DEUP1: variants seen among roughly 807,000 people sequenced by gnomAD.
DEUP1 encodes the protein coiled-coil domain containing 67.
A neutral mutation model predicts 87.4 loss-of-function variants in DEUP1; 82 were observed. The observed-to-expected ratio is 0.94, with a 90% CI of 0.78 to 1.13. The LOEUF is 1.13. DEUP1 is among the 50% of genes most tolerant of loss of function. DEUP1 has a pLI of 0.00. For synonymous variants in DEUP1, 214 were observed against 222.7 expected (o/e 0.96, Z 0.35); for missense variants, 663 against 681.5 (o/e 0.97, Z 0.30).
intron 11 of DEUP1, among the ~76,000 whole-genome samples, chr11:93,402,203 T>C (rs1012766129): frequency 3.3e-5 from 5 of 151,674 alleles, no homozygotes; most frequent in Non-Finnish European, 5.9e-5. Context: ...AAGATCTGAA[T>C]AGACATTTCT....
In DEUP1 at chr11:93,336,505, C is replaced by T. The variant is rs192126187; in HGVS notation, c.29+4217C>T. ...GTCACTCTCTTTCAGTCTTTTGTCT[C>T]AGGCTAATCAGATTCCAGAGAATTC... On this transcript the variant is annotated intron_variant, in intron 2 of 13. Coordinates refer to ENST00000298050, the MANE Select transcript of DEUP1 (RefSeq NM_181645.4). Among the ~76,000 whole-genome samples, 147 of 152,298 alleles carry T rather than the reference C, an allele frequency of 9.7e-4. 1 individual carries two copies. The highest frequency in any genetic ancestry group is 2.8e-3 in the Admixed American group (43 of 15,296).
chr11:93,335,271 ACT>A (rs1282062539), intron 2 of DEUP1, among the ~76,000 whole-genome samples: 1 of 144,428 alleles, frequency 6.9e-6, no homozygotes, highest in African/African-American at 2.4e-5. Flanking sequence ...TATGATTTTG[ACT>A]CTGTCAATTT....
chr11:93,416,183 G>T (rs2446063), intron 13 of DEUP1, among the ~76,000 whole-genome samples: 1 of 151,708 alleles, frequency 6.6e-6, no homozygotes, highest in Non-Finnish European at 1.5e-5. Context: ...ACCAAAATCA[G>T]AGCAGAACTG....
At chr11:93,386,427 G>A (rs1431065202) in intron 8 of DEUP1, among the ~76,000 whole-genome samples, 2 of 152,174 alleles carry the variant, frequency 1.3e-5, no homozygotes, top group African/African-American at 4.8e-5. Flanking sequence ...GTTCATTGAT[G>A]CTCTTATTCT....
At chr11:93,406,071 T>TC (rs1458422783) in intron 11 of DEUP1, among the ~76,000 whole-genome samples, 1 of 151,972 alleles carries the variant, frequency 6.6e-6, no homozygotes, top group East Asian at 1.9e-4. Context: ...TCCTATTTTT[T>TC]AAAATTCTGT....
At chr11:93,370,837 A>G (rs569240594) in intron 6 of DEUP1, among the ~76,000 whole-genome samples, 1 of 152,210 alleles carries the variant, frequency 6.6e-6, no homozygotes, top group South Asian at 2.1e-4. Context: ...CTCTGAGGTT[A>G]TACAAATATA....
intron 7 of DEUP1, among the ~76,000 whole-genome samples, chr11:93,373,640 T>TATATGCATATATATATAC (rs1945880612): frequency 1.4e-5 from 2 of 142,358 alleles, no homozygotes; most frequent in African/African-American, 5.1e-5. Context: ...TATATATATA[T>TATATGCATATATATATAC]ATATATATAT....
chr11:93,410,816 C>A (rs905797373), intron 12 of DEUP1, among the ~76,000 whole-genome samples: 34 of 152,074 alleles, frequency 2.2e-4, no homozygotes, highest in African/African-American at 7.2e-4. Context: ...AAGTATCTAA[C>A]AAAAACAAGA....
chr11:93,353,560 G>T (rs1027415769), intron 2 of DEUP1, among the ~76,000 whole-genome samples: 52 of 152,328 alleles, frequency 3.4e-4, no homozygotes, highest in African/African-American at 1.1e-3. Flanking sequence ...CCTAGCAGAG[G>T]TTCTCTGTGA....
At chr11:93,387,156 A>C (rs1482675843) in intron 8 of DEUP1, among the ~76,000 whole-genome samples, 1 of 152,204 alleles carries the variant, frequency 6.6e-6, no homozygotes, top group Non-Finnish European at 1.5e-5. Flanking sequence ...ATGAAAAGGT[A>C]TAAGTTTAAC....
chr11:93,399,668 A>G (rs1314467726), intron 11 of DEUP1, among the ~76,000 whole-genome samples: 1 of 151,738 alleles, frequency 6.6e-6, no homozygotes, highest in African/African-American at 2.4e-5. Flanking sequence ...AATATCTTGG[A>G]ACTTATTGTT....
intron 4 of DEUP1, among the ~76,000 whole-genome samples, chr11:93,362,910 A>G (rs1945239974): frequency 6.6e-6 from 1 of 152,006 alleles, no homozygotes; most frequent in African/African-American, 2.4e-5. Context: ...AATTATGAGG[A>G]AAAAAGCAGA....
intron 7 of DEUP1, among the ~76,000 whole-genome samples, chr11:93,372,482 C>T (rs538131433): frequency 1.2e-4 from 18 of 152,270 alleles, no homozygotes; most frequent in African/African-American, 4.3e-4. Flanking sequence ...CTCCCAGGGT[C>T]ATTTCTTAGT....
In DEUP1 at chr11:93,356,969, T is replaced by C; in HGVS notation, c.223T>C (p.Leu75=). The part of the protein sequence containing the change: ...GQEVGLLRQK[L]DSLEKCNLAM... Reference sequence around the variant, plus strand: ...GCAGGTAGGGTTACTTCGACAGAAATTGGACAGTCTGGAAAAATGTAATTT... The same window carrying C: ...GCAGGTAGGGTTACTTCGACAGAAACTGGACAGTCTGGAAAAATGTAATTT... The change falls in exon 4 of 14, where the codon TTG becomes CTG. Residue 75 remains leucine, a synonymous_variant. Transcript: ENST00000298050. The C allele has an allele frequency of 6.2e-7, 1 of 1,601,730 alleles. No individual in the cohort carries two copies. The highest frequency in any genetic ancestry group is 8.5e-7 in the Non-Finnish European group (1 of 1,174,570).
chr11:93,366,696 T>A (rs1212752873), intron 5 of DEUP1, among the ~76,000 whole-genome samples: 1 of 152,134 alleles, frequency 6.6e-6, no homozygotes, highest in Non-Finnish European at 1.5e-5. Flanking sequence ...TTCTAGCTAT[T>A]CTTGGCCACG....
intron 11 of DEUP1, 145 bp from the exon 12 acceptor site, chr11:93,408,086 G>A (rs1027566349): frequency 5.2e-6 from 3 of 573,436 alleles, no homozygotes; most frequent in East Asian, 6.0e-5. Context: ...GGGTGGAAAG[G>A]AGCATTTAGA....
chr11:93,413,010 A>G (rs921986959), intron 12 of DEUP1, among the ~76,000 whole-genome samples: 4 of 152,110 alleles, frequency 2.6e-5, no homozygotes, highest in Admixed American at 6.6e-5. Context: ...TTTTAATGCT[A>G]TTTGTATGCA....
At position 93,332,249 on chromosome 11, in the gene DEUP1, A is replaced by C; in HGVS notation, c.-11A>C. On this transcript the variant is annotated 5_prime_UTR_variant, in exon 2 of 14. Coordinates refer to ENST00000298050, the MANE Select transcript of DEUP1 (RefSeq NM_181645.4). ...TCAAGAAATATAAACCAGATGTAGC[A>C]GTTTCTTGACATGGAGAACCAAGCC... 3.1e-6 allele frequency: 5 copies of C among 1,606,440 alleles called. No homozygotes were observed. The highest frequency in any genetic ancestry group is 4.3e-6 in the Non-Finnish European group (5 of 1,175,416).
chr11:93,362,078 A>C (rs1305785720), intron 4 of DEUP1, among the ~76,000 whole-genome samples: 1 of 152,054 alleles, frequency 6.6e-6, no homozygotes, highest in African/African-American at 2.4e-5. Context: ...AAATGGATCA[A>C]AGATCCAAAT....
Sources: allele counts gnomAD v4.1 joint callset (sites outside exome capture counted in the v4.1 genomes callset), GRCh38; gene constraint gnomAD v4.1.1; transcripts MANE v1.5; gene names NCBI Gene and HGNC (gene_info 2026-07-23, HGNC 2026-07-21).